The following TEX9 variants were observed in gnomAD, a reference collection of about 807,000 sequenced individuals.
The protein encoded by TEX9 is testis expressed 9.
Under a neutral mutation model 59.6 loss-of-function variants are expected in TEX9, and 74 were observed. The observed-to-expected ratio is 1.24, with a 90% CI of 1.03 to 1.51. The LOEUF is 1.51. TEX9 is among the 40% of genes most tolerant of loss of function. The pLI is 0.00. For synonymous variants in TEX9, 186 were observed against 152.2 expected, an observed-to-expected ratio of 1.22 and a Z score of -1.64; for missense variants, 522 against 447.8, an observed-to-expected ratio of 1.17 and a Z score of -1.49.
chr15:56,413,516 A>G (rs2049512792), intron 10 of TEX9, among the ~76,000 whole-genome samples: 1 of 151,048 alleles, frequency 6.6e-6, no homozygotes, highest in Non-Finnish European at 1.5e-5. Flanking sequence ...CATCTTGCAA[A>G]AACTGAAACT....
In TEX9 at chr15:56,309,693, GTTTTTTTTTTTTT is replaced by G. The variant is rs60648387; in HGVS notation, c.-106-63729_-106-63717del. Among the ~76,000 whole-genome samples the G allele has an allele frequency of 1.3e-3, 77 of 60,792 alleles. 1 individual carries two copies. Among genetic ancestry groups the G allele is most frequent in the East Asian group, 7.2e-3 (11 of 1,522 alleles). The allele number at this position is 60,792 out of a possible 152,430, so 39.9% of individuals were successfully genotyped here. On this transcript the variant is annotated intron_variant, in intron 1 of 5. Coordinates refer to the TEX9 transcript ENST00000560827. ...TCTGGGCCTGGGATTTTTATGGGAA[GTTTTTTTTTTTTT>G]TTTTTTTTTTTTTTTTTTAAAGCAG...
chr15:56,394,136 A>T (rs1204050444), intron 7 of TEX9, 29 bp from the exon 8 acceptor site: 1 of 1,581,980 alleles, frequency 6.3e-7, no homozygotes, highest in Non-Finnish European at 8.6e-7. Flanking sequence ...TCAGCAAAAG[A>T]CAGTAAATAT....
chr15:56,411,594 G>C (rs2049348489), intron 9 of TEX9, among the ~76,000 whole-genome samples: 1 of 152,184 alleles, frequency 6.6e-6, no homozygotes, highest in Admixed American at 6.5e-5. Flanking sequence ...CACCATGGCT[G>C]TTTGGGAGAG....
At chr15:56,333,570 C>T (rs1268196591) in intron 1 of TEX9, among the ~76,000 whole-genome samples, 2 of 151,322 alleles carry the variant, frequency 1.3e-5, no homozygotes, top group Non-Finnish European at 2.9e-5. Flanking sequence ...TAGTATATCA[C>T]GCTGAATGGG....
chr15:56,441,447 T>C (rs1263781081), intron 12 of TEX9, among the ~76,000 whole-genome samples: 1 of 152,196 alleles, frequency 6.6e-6, no homozygotes, highest in Non-Finnish European at 1.5e-5. Context: ...CTACCTAGTC[T>C]ATAGATTAAT....
chr15:56,383,922 T>C (rs1322546070), intron 3 of TEX9, 30 bp from the exon 4 acceptor site: 20 of 1,534,398 alleles, frequency 1.3e-5, no homozygotes, highest in Non-Finnish European at 1.7e-5. Context: ...TTTTTCTATA[T>C]GATATATTAC....
At chr15:56,256,432 C>T (rs1308873369) in intron 1 of TEX9, among the ~76,000 whole-genome samples, 4 of 151,482 alleles carry the variant, frequency 2.6e-5, no homozygotes, top group African/African-American at 9.7e-5. Flanking sequence ...GCCAGGTATG[C>T]GTGTTTTAAA....
chr15:56,347,276 AG>A (rs1194556295), intron 1 of TEX9, among the ~76,000 whole-genome samples: 1 of 152,172 alleles, frequency 6.6e-6, no homozygotes, highest in African/African-American at 2.4e-5. Flanking sequence ...ACAGGTTAAA[AG>A]TTTTTTAAAA....
Position 56,372,555 on chromosome 15 carries a change from A to G in TEX9, c.120-886A>G, listed in dbSNP as rs1040311534. On this transcript the variant is annotated intron_variant, in intron 2 of 12. Transcript: ENST00000352903. ...GTGAAAAGGGGACTTAACAATAGGG[A>G]CAGAGTTCAGTACATTATCTTAATT... Among the ~76,000 whole-genome samples, 8 of 152,188 alleles carry G rather than the reference A, an allele frequency of 5.3e-5. No homozygotes were observed. The East Asian group carries it at 9.6e-4, about 18-fold the overall frequency.
At chr15:56,249,459 G>A (rs1370813854) in intron 1 of TEX9, among the ~76,000 whole-genome samples, 2 of 147,648 alleles carry the variant, frequency 1.4e-5, no homozygotes, top group African/African-American at 4.9e-5. Context: ...GAGAGGGAGG[G>A]AGGGAGGGAA....
chr15:56,245,118 G>T (rs1053496161), intron 1 of TEX9, among the ~76,000 whole-genome samples: 9 of 152,082 alleles, frequency 5.9e-5, no homozygotes, highest in Non-Finnish European at 1.2e-4. Context: ...TTTGGGCTGT[G>T]GGGCTCTGCC....
At chr15:56,355,363 A>G (rs2046664584) in intron 1 of TEX9, among the ~76,000 whole-genome samples, 1 of 152,142 alleles carries the variant, frequency 6.6e-6, no homozygotes. Flanking sequence ...TTTTTAAAAT[A>G]TGGATTTACA....
intron 4 of TEX9, among the ~76,000 whole-genome samples, chr15:56,384,966 T>C (rs187558156): frequency 0.017 from 2,531 of 151,776 alleles, 68 homozygotes; most frequent in African/African-American, 0.058. Context: ...CATGATTTCT[T>C]TGAAGAGCTT....
the TEX9 span, among the ~76,000 whole-genome samples, chr15:56,454,321 C>G: frequency 6.6e-6 from 1 of 152,010 alleles, no homozygotes; most frequent in South Asian, 2.1e-4. Flanking sequence ...AATGGGGTAT[C>G]CATCCCCTCA....
At chr15:56,421,073 T>G (rs2049955183) in intron 10 of TEX9, among the ~76,000 whole-genome samples, 1 of 151,850 alleles carries the variant, frequency 6.6e-6, no homozygotes, top group African/African-American at 2.4e-5. Context: ...CTTGATAGTG[T>G]TGTTCAATAC....
chr15:56,412,372 A>G, exon 10 of TEX9: 1 of 1,613,558 alleles, frequency 6.2e-7, no homozygotes, highest in Non-Finnish European at 8.5e-7. Flanking sequence ...GTTCGCTTGA[A>G]TAGAGCTCTA....
chr15:56,370,244 C>G (rs1265634710), intron 2 of TEX9, among the ~76,000 whole-genome samples: 1 of 152,002 alleles, frequency 6.6e-6, no homozygotes, highest in Admixed American at 6.6e-5. Flanking sequence ...AATGCTTTAA[C>G]TTGGTGTCCT....
At chr15:56,246,656 A>G (rs545215928) in intron 1 of TEX9, among the ~76,000 whole-genome samples, 1 of 152,202 alleles carries the variant, frequency 6.6e-6, no homozygotes, top group Non-Finnish European at 1.5e-5. Flanking sequence ...TCTGAGCATC[A>G]TTTTGACTCT....
At chr15:56,290,768 T>C (rs1173951660) in intron 1 of TEX9, among the ~76,000 whole-genome samples, 10 of 151,984 alleles carry the variant, frequency 6.6e-5, no homozygotes, top group Non-Finnish European at 1.3e-4. Flanking sequence ...AGCAATCCTT[T>C]CTATGTGGTT....
Sources: gnomAD v4.1 joint callset for allele counts (sites outside exome capture counted in the v4.1 genomes callset) on GRCh38, gnomAD v4.1.1 for gene constraint, MANE v1.5 for transcripts, NCBI Gene and HGNC (gene_info 2026-07-23, HGNC 2026-07-21) for gene names.